The following LSAMP variants were observed in gnomAD, a reference collection of about 807,000 sequenced individuals.
The protein encoded by LSAMP is limbic system associated membrane protein.
Under a neutral mutation model 38.6 loss-of-function variants are expected in LSAMP, and 7 were observed. That is an observed-to-expected ratio of 0.18 (90% CI 0.10 to 0.34). LSAMP has a LOEUF of 0.34. Ranked by LOEUF, LSAMP falls within the 10% of genes least tolerant of loss-of-function variation. The pLI is 1.00. For synonymous variants in LSAMP, 154 were observed against 166.8 expected, an observed-to-expected ratio of 0.92 and a Z score of 0.59; for missense variants, 313 against 420.0, an observed-to-expected ratio of 0.75 and a Z score of 2.23.
intron 1 of LSAMP, among the ~76,000 whole-genome samples, chr3:116,133,831 A>G (rs1055653185): frequency 5.3e-5 from 8 of 152,202 alleles, no homozygotes; most frequent in Non-Finnish European, 1.2e-4. Context: ...CCACAAGATA[A>G]AATTCAAAAC....
At position 116,277,374 on chromosome 3, in the gene LSAMP, G is replaced by GTTT. The variant is rs34545044; in HGVS notation, c.155+167500_155+167502dup. On this transcript the variant is annotated intron_variant, in intron 1 of 6. Transcript: ENST00000490035. ...ATAAGAATTCATTTGCTCATCTTGT[G>GTTT]TTTTTTTTTTTTGAGACAGAGTCTC... Among the ~76,000 whole-genome samples, 150 of 145,024 alleles carry GTTT rather than the reference G, an allele frequency of 1.0e-3. 2 individuals carry two copies. Among genetic ancestry groups the GTTT allele is most frequent in the East Asian group, 9.9e-3 (49 of 4,966 alleles).
At chr3:115,978,707 T>C (rs1185229765) in intron 3 of LSAMP, among the ~76,000 whole-genome samples, 1 of 151,594 alleles carries the variant, frequency 6.6e-6, no homozygotes, top group Non-Finnish European at 1.5e-5. Flanking sequence ...AAAAAAAAGT[T>C]AAGGAGTTGG....
chr3:116,000,825 A>G (rs1939968783), intron 3 of LSAMP, among the ~76,000 whole-genome samples: 1 of 152,214 alleles, frequency 6.6e-6, no homozygotes, highest in Non-Finnish European at 1.5e-5. Context: ...CTTTTCTAGT[A>G]GAGACCACTG....
intron 3 of LSAMP, among the ~76,000 whole-genome samples, chr3:116,016,110 G>A (rs751367662): frequency 5.9e-5 from 9 of 151,886 alleles, no homozygotes; most frequent in Non-Finnish European, 1.3e-4. Flanking sequence ...CACATAGCTT[G>A]TTTGTAATCT....
intron 1 of LSAMP, among the ~76,000 whole-genome samples, chr3:116,206,201 G>T (rs746742495): frequency 0.036 from 5,286 of 148,428 alleles, 100 homozygotes; most frequent in Middle Eastern, 0.055. Context: ...AGAGGTGTTT[G>T]TAGTATTCTC....
At chr3:116,357,073 G>A (rs1474791752) in intron 1 of LSAMP, among the ~76,000 whole-genome samples, 3 of 152,138 alleles carry the variant, frequency 2.0e-5, no homozygotes, top group Admixed American at 6.5e-5. Context: ...GATTACAAGC[G>A]TGAGCCATCG....
intron 1 of LSAMP, among the ~76,000 whole-genome samples, chr3:116,335,843 C>T (rs755962518): frequency 7.9e-5 from 12 of 151,972 alleles, no homozygotes; most frequent in African/African-American, 2.4e-4. Flanking sequence ...GTACTGAAAG[C>T]GAAAAACACA....
chr3:116,185,111 T>C (rs1464892541), intron 1 of LSAMP, among the ~76,000 whole-genome samples: 2 of 151,396 alleles, frequency 1.3e-5, no homozygotes, highest in Non-Finnish European at 3.0e-5. Context: ...GATTTCTTCA[T>C]TTTTCCCTTC....
At chr3:116,329,490 A>G (rs1456299806) in intron 1 of LSAMP, among the ~76,000 whole-genome samples, 1 of 152,178 alleles carries the variant, frequency 6.6e-6, no homozygotes, top group Non-Finnish European at 1.5e-5. Flanking sequence ...TTTAATAAAC[A>G]TGAACTTTGG....
At chr3:116,283,384 AAGGAAAAGGCATC>A (rs1409797684) in intron 1 of LSAMP, among the ~76,000 whole-genome samples, 1 of 152,192 alleles carries the variant, frequency 6.6e-6, no homozygotes, top group Non-Finnish European at 1.5e-5. Context: ...AGAGGGAAAT[AAGGAAAAGGCATC>A]CCTTTTCCCT....
intron 1 of LSAMP, among the ~76,000 whole-genome samples, chr3:116,334,219 T>G (rs1164295879): frequency 6.6e-6 from 1 of 152,090 alleles, no homozygotes; most frequent in Non-Finnish European, 1.5e-5. Flanking sequence ...TTTGAATAGA[T>G]CTATAACTAG....
intron 3 of LSAMP, among the ~76,000 whole-genome samples, chr3:115,940,549 C>A (rs142490313): frequency 6.6e-6 from 1 of 152,138 alleles, no homozygotes; most frequent in African/African-American, 2.4e-5. Context: ...TCAGATATTA[C>A]GTTTAAATCT....
chr3:116,209,482 A>G (rs947943100), intron 1 of LSAMP, among the ~76,000 whole-genome samples: 2 of 152,160 alleles, frequency 1.3e-5, no homozygotes, highest in African/African-American at 4.8e-5. Context: ...GTTTGTTCCT[A>G]TGCATATAGT....
chr3:116,250,785 C>A (rs559579654), intron 1 of LSAMP, among the ~76,000 whole-genome samples: 325 of 152,134 alleles, frequency 2.1e-3, no homozygotes, highest in Non-Finnish European at 3.7e-3. Context: ...TAGGGGATCA[C>A]TTGGGCCTGG....
chr3:115,939,462 ATG>A (rs1241175788), intron 3 of LSAMP, among the ~76,000 whole-genome samples: 3 of 152,068 alleles, frequency 2.0e-5, no homozygotes, highest in African/African-American at 7.2e-5. Context: ...TGTGCTTTTG[ATG>A]TTATACTCAA....
At chr3:116,413,902 C>CGA (rs2049013576) in intron 1 of LSAMP, among the ~76,000 whole-genome samples, 1 of 144,474 alleles carries the variant, frequency 6.9e-6, no homozygotes, top group African/African-American at 2.6e-5. Flanking sequence ...CAGAAAATTA[C>CGA]AAAAAAAAAA....
At chr3:115,817,230 T>A (rs547562658) in intron 6 of LSAMP, among the ~76,000 whole-genome samples, 5 of 152,334 alleles carry the variant, frequency 3.3e-5, no homozygotes, top group Middle Eastern at 3.4e-3. Flanking sequence ...AAAAATAGCA[T>A]CTTCTGTTAT....
At chr3:115,869,115 A>G (rs746988908) in intron 3 of LSAMP, among the ~76,000 whole-genome samples, 1 of 152,152 alleles carries the variant, frequency 6.6e-6, no homozygotes, top group African/African-American at 2.4e-5. Flanking sequence ...GGTTACGCTA[A>G]AATAAAAAAT....
At chr3:116,404,538 G>A (rs774317736) in intron 1 of LSAMP, among the ~76,000 whole-genome samples, 22 of 152,106 alleles carry the variant, frequency 1.4e-4, no homozygotes, top group African/African-American at 3.1e-4. Flanking sequence ...GTGGGTAGAC[G>A]AATGGACAGA....
Sources: allele counts gnomAD v4.1 joint callset (sites outside exome capture counted in the v4.1 genomes callset), GRCh38; gene constraint gnomAD v4.1.1; transcripts MANE v1.5; gene names NCBI Gene and HGNC (gene_info 2026-07-23, HGNC 2026-07-21).